RYR1: variants seen among roughly 807,000 people sequenced by gnomAD.
RYR1 encodes ryanodine receptor 1, also known as central core disease of muscle.
Under a neutral mutation model 583.5 loss-of-function variants are expected in RYR1, and 342 were observed. That is an observed-to-expected ratio of 0.59 (90% CI 0.54 to 0.64). The LOEUF is 0.64. RYR1 is among the 30% of genes least tolerant of loss of function. RYR1 has a pLI of 0.00. For synonymous variants in RYR1, 2,791 were observed against 2,822.5 expected (o/e 0.99, Z 0.35); for missense variants, 6,032 against 6,917.2 (o/e 0.87, Z 4.54).
chr19:38,516,764 C>T (rs1465361616), intron 65 of RYR1, among the ~76,000 whole-genome samples: 2 of 152,114 alleles, frequency 1.3e-5, no homozygotes, highest in South Asian at 2.1e-4. Flanking sequence ...ATGTATGAGG[C>T]GCTGTCCTAG....
chr19:38,585,442 T>TTA (rs893706756), intron 102 of RYR1, among the ~76,000 whole-genome samples: 3 of 147,768 alleles, frequency 2.0e-5, no homozygotes, highest in African/African-American at 4.9e-5. Context: ...TTATATATAT[T>TTA]TATATATATG....
At chr19:38,524,424 G>T (rs1450809406) in intron 70 of RYR1, among the ~76,000 whole-genome samples, 1 of 152,120 alleles carries the variant, frequency 6.6e-6, no homozygotes. Flanking sequence ...AGCCTCTGAG[G>T]GCATCCAGCC....
chr19:38,445,214 C>T (rs1292589569), intron 7 of RYR1, among the ~76,000 whole-genome samples: 1 of 105,988 alleles, frequency 9.4e-6, no homozygotes, highest in Non-Finnish European at 1.8e-5. Flanking sequence ...CAGAGCCAGA[C>T]TCTGCCTCAA....
At position 38,469,321 on chromosome 19, in the gene RYR1, C is replaced by T; in HGVS notation, c.3573C>T (p.Cys1191=). 3.1e-6 allele frequency: 5 copies of T among 1,613,988 alleles called. No individual in the cohort carries two copies. Among genetic ancestry groups the T allele is most frequent in the Middle Eastern group, 1.7e-4 (1 of 6,054 alleles). The change falls in exon 27 of 106, where the codon TGC becomes TGT. Residue 1191 remains cysteine (C), a synonymous_variant. Transcript: ENST00000359596. ...IEIGDGFLPV[C]SLGPGQVGHL... ...TCCCACCAGGCTTCCTGCCCGTCTG[C>T]AGCTTGGGACCTGGCCAGGTGGGTC...
chr19:38,512,592 T>C lies in RYR1; in HGVS notation c.9472+109T>C, dbSNP rs566553579. On this transcript the variant is annotated intron_variant, in intron 63 of 105. Transcript: ENST00000359596. The surrounding 1 kb of genome is among the most constrained non-coding windows in gnomAD (Gnocchi z 5.1). Reference sequence around the variant, plus strand: ...GTGTTTGAATGTGTGGATTTCTTGCTGTAAGCAAAGCATGCAGTCAGTACC... The same window carrying C: ...GTGTTTGAATGTGTGGATTTCTTGCCGTAAGCAAAGCATGCAGTCAGTACC... The C allele has an allele frequency of 6.5e-6, 7 of 1,083,744 alleles. No individual in the cohort carries two copies. The East Asian group carries it at 1.2e-4, about 18-fold the overall frequency. 67.1% of individuals were successfully genotyped at this position (1,083,744 alleles called of 1,614,324 possible).
Position 38,499,422 on chromosome 19 carries a change from C to A in RYR1, c.7027+179C>A, listed in dbSNP as rs1490133602. Among the ~76,000 whole-genome samples the A allele has an allele frequency of 1.3e-5, 2 of 150,070 alleles. No homozygotes were observed. Among genetic ancestry groups the A allele is most frequent in the Non-Finnish European group, 3.0e-5 (2 of 67,534 alleles). ...TGGAGGTGTTGGGTCCTGTGGCTGG[C>A]AGTGTTGGATCCTGGGGCTGGCGGG... On this transcript the variant is annotated intron_variant, in intron 43 of 105. Transcript: ENST00000359596. This position sits in a 1 kb window ranked among gnomAD's most constrained non-coding sequence, Gnocchi z 7.3.
At position 38,506,819 on chromosome 19, in the gene RYR1, G is replaced by C. The variant is rs2915958; in HGVS notation, c.8693-10G>C. On this transcript the variant is annotated splice_polypyrimidine_tract_variant and intron_variant, in intron 56 of 105. Transcript: ENST00000359596. ...CCCAGAGCCCTGATTTCTGGTCTTT[G>C]CCTCCCCAGGCGGTGGGACCCACCC... The C allele has an allele frequency of 0.28, 452,719 of 1,613,554 alleles. 67,570 individuals are homozygous for C. The highest frequency in any genetic ancestry group is 0.45 in the South Asian group (40,738 of 91,050).
At chr19:38,501,268 G>A (rs1488112469) in intron 47 of RYR1, among the ~76,000 whole-genome samples, 1 of 152,182 alleles carries the variant, frequency 6.6e-6, no homozygotes, top group Non-Finnish European at 1.5e-5. Context: ...GGGGAGCCGA[G>A]GCGAGCGGAT....
Position 38,489,228 on chromosome 19 carries a change from G to A in RYR1, c.5599G>A (p.Glu1867Lys). 6.2e-7 allele frequency: 1 copy of A among 1,613,994 alleles called. No homozygotes were observed. The highest frequency in any genetic ancestry group is 8.5e-7 in the Non-Finnish European group (1 of 1,179,960). ...TGTGAAACAGATCTTGAAGATGATT[G>A]AGCCTGAGGTCTTCACTGAGGAAGA... ...EDVKQILKMI[E>K]PEVFTEEEEE... is the part of the protein sequence containing the mutation. The change falls in exon 35 of 106, where the codon GAG becomes AAG. Residue 1867 changes from glutamate to lysine, a missense_variant. This residue lies in a region of RYR1 where 2,627 missense variants were observed against 2,961.3 expected (regional missense o/e 0.89). Coordinates refer to ENST00000359596, the MANE Select transcript of RYR1 (RefSeq NM_000540.3).
rs1242097382 is a variant in RYR1, at chr19:38,455,624, C to T, written c.1673-9C>T. On this transcript the variant is annotated splice_polypyrimidine_tract_variant and intron_variant, in intron 15 of 105. Coordinates refer to ENST00000359596, the MANE Select transcript of RYR1 (RefSeq NM_000540.3). Reference sequence around the variant, plus strand: ...GCCGCTTCACCTCTCATTCTGGGCACCCTGGCAGGCATCCTGGAGGTCCTG... The same window carrying T: ...GCCGCTTCACCTCTCATTCTGGGCATCCTGGCAGGCATCCTGGAGGTCCTG... The T allele has an allele frequency of 1.2e-6, 2 of 1,611,460 alleles. No individual in the cohort carries two copies. The highest frequency in any genetic ancestry group is 2.2e-5 in the East Asian group (1 of 44,838).
In RYR1 at chr19:38,517,572, C is replaced by T. The variant is rs749718772; in HGVS notation, c.9899C>T (p.Ala3300Val). The change falls in exon 66 of 106, where the codon GCC becomes GTC. Residue 3300 changes from alanine to valine, a missense_variant. Coordinates refer to ENST00000359596, the MANE Select transcript of RYR1 (RefSeq NM_000540.3). ...CCCCCTTCCGCCCTGCCCGCCGGCG[C>T]CCCCCCACCCTGCACAGCTGTCACC... is the stretch of plus-strand genomic sequence containing the variant. ...EAPPSALPAG[A>V]PPPCTAVTSD... The T allele has an allele frequency of 1.8e-5, 29 of 1,613,304 alleles. 1 individual carries two copies. The highest frequency in any genetic ancestry group is 2.2e-5 in the East Asian group (1 of 44,872).
Position 38,586,150 on chromosome 19 carries a change from C to T in RYR1, c.14928C>T (p.Phe4976=), listed in dbSNP as rs368874586. 13 of 1,613,890 alleles carry T rather than the reference C, an allele frequency of 8.1e-6. No homozygotes were observed. Among genetic ancestry groups the T allele is most frequent in the South Asian group, 5.5e-5 (5 of 91,074 alleles). Residue 4976 remains phenylalanine, a synonymous_variant, in exon 104 of 106, where the codon TTC becomes TTT. Transcript: ENST00000359596. ...SDYFDTTPHG[F]ETHTLEEHNL... ...ACTTTGATACGACACCGCATGGCTT[C>T]GAGACTCACACGCTGGAGGAGCACA... is the stretch of plus-strand genomic sequence containing the variant.
rs535488284 is a variant in RYR1, at chr19:38,512,650, G to T, written c.9472+167G>T. Among the ~76,000 whole-genome samples the T allele has an allele frequency of 1.3e-5, 2 of 152,086 alleles. No individual in the cohort carries two copies. The highest frequency in any genetic ancestry group is 6.6e-5 in the Admixed American group (1 of 15,258). Reference sequence around the variant, plus strand: ...GTGGCAAATGAGTTAATGAGGACGCGAGCTCAGCAGCTCTAACAAAAGACC... The same window carrying T: ...GTGGCAAATGAGTTAATGAGGACGCTAGCTCAGCAGCTCTAACAAAAGACC... On this transcript the variant is annotated intron_variant, in intron 63 of 105. Coordinates refer to ENST00000359596, the MANE Select transcript of RYR1 (RefSeq NM_000540.3). This position sits in a 1 kb window ranked among gnomAD's most constrained non-coding sequence, Gnocchi z 5.1.
At chr19:38,511,659 C>T (rs1970732010) in intron 61 of RYR1, 49 bp downstream of exon 61, 1 of 1,591,328 alleles carries the variant, frequency 6.3e-7, no homozygotes, top group African/African-American at 1.3e-5. Context: ...TTCTCTTCCC[C>T]ACCCTGAAGA....
chr19:38,478,932 TAA>T (rs1968880557), intron 31 of RYR1, among the ~76,000 whole-genome samples: 1 of 152,158 alleles, frequency 6.6e-6, no homozygotes, highest in Non-Finnish European at 1.5e-5. Flanking sequence ...AACAGCCGGC[TAA>T]GTTTTATGTT....
At chr19:38,464,842 G>T in intron 23 of RYR1, 120 bp downstream of exon 23, 1 of 843,084 alleles carries the variant, frequency 1.2e-6, no homozygotes, top group African/African-American at 1.7e-5. Context: ...AAGGAGACTT[G>T]GGTTAGGGTG....
At position 38,477,423 on chromosome 19, in the gene RYR1, G is replaced by A. The variant is rs775673595; in HGVS notation, c.4294-287G>A. Among the ~76,000 whole-genome samples, 7 of 152,240 alleles carry A rather than the reference G, an allele frequency of 4.6e-5. No homozygotes were observed. In the South Asian group the frequency reaches 6.2e-4, roughly 14 times the overall value. ...TTCCCAAAGTGCTGGGATTACAGGC[G>A]TGAGCCACCATGCCTGGCCTGCAAT... On this transcript the variant is annotated intron_variant, in intron 29 of 105. Transcript: ENST00000359596.
At position 38,517,578 on chromosome 19, in the gene RYR1, C is replaced by A. The variant is rs777896104; in HGVS notation, c.9905C>A (p.Pro3302Gln). Residue 3302 changes from proline (P) to glutamine (Q), a missense_variant, in exon 66 of 106, where the codon CCA becomes CAA. Around this residue, in one of 11 missense-constraint regions of RYR1, gnomAD observed 1,493 missense variants for 1,715.5 expected, o/e 0.87. Transcript: ENST00000359596. ...TCCGCCCTGCCCGCCGGCGCCCCCCCACCCTGCACAGCTGTCACCTCTGAC... is the reference window on the plus strand; with the variant it reads ...TCCGCCCTGCCCGCCGGCGCCCCCCAACCCTGCACAGCTGTCACCTCTGAC... ...PPSALPAGAPPPCTAVTSDHL... is the reference protein window; with the variant it reads ...PPSALPAGAPQPCTAVTSDHL... The A allele has an allele frequency of 6.2e-6, 10 of 1,613,874 alleles. No individual in the cohort carries two copies. Among genetic ancestry groups the A allele is most frequent in the South Asian group, 2.2e-5 (2 of 91,086 alleles).
At chr19:38,470,821 T>G (rs1281952848) in intron 27 of RYR1, among the ~76,000 whole-genome samples, 4 of 152,132 alleles carry the variant, frequency 2.6e-5, no homozygotes, top group African/African-American at 9.7e-5. Context: ...AGGTCTGAGT[T>G]TTGGAAAGGT....
Sources: allele counts gnomAD v4.1 joint callset (sites outside exome capture counted in the v4.1 genomes callset), GRCh38; gene constraint gnomAD v4.1.1; regional missense constraint gnomAD v4.1.1; non-coding constraint Gnocchi (gnomAD v3.1); transcripts MANE v1.5; gene names NCBI Gene and HGNC (gene_info 2026-07-23, HGNC 2026-07-21).